ZFP90: variants seen among roughly 807,000 people sequenced by gnomAD.
ZFP90 encodes ZFP90 zinc finger protein.
In ZFP90, 38 loss-of-function variants were observed where a neutral mutation model predicts 60.8. That is an observed-to-expected ratio of 0.62 (90% CI 0.48 to 0.82). ZFP90 has a LOEUF of 0.82. Among genes scored for constraint, ZFP90 ranks in the 40% least tolerant of loss-of-function variants. ZFP90 has a pLI of 0.00. For missense variants in ZFP90, 711 were observed against 759.1 expected, an observed-to-expected ratio of 0.94 and a Z score of 0.74; for synonymous variants, 287 against 264.8, an observed-to-expected ratio of 1.08 and a Z score of -0.82.
At chr16:68,561,293 C>T (rs1030914275) in intron 4 of ZFP90, among the ~76,000 whole-genome samples, 5 of 152,180 alleles carry the variant, frequency 3.3e-5, no homozygotes, top group African/African-American at 1.2e-4. Flanking sequence ...AGTTCCCTAT[C>T]GTACTTCCAG....
chr16:68,562,041 C>CT (rs1310611367), intron 4 of ZFP90: 1 of 152,178 alleles, frequency 6.6e-6, no homozygotes, highest in Non-Finnish European at 1.5e-5. Context: ...CTTTAGCCAT[C>CT]TATCAATCCA....
intron 1 of ZFP90, 90 bp from the exon 2 acceptor site, chr16:68,539,668 G>C (rs1295466755): frequency 9.7e-7 from 1 of 1,032,294 alleles, no homozygotes; most frequent in Non-Finnish European, 1.4e-6. Context: ...CTCCCCTGGA[G>C]ATGTGGTTTA....
chr16:68,550,136 A>G (rs1453771687), intron 2 of ZFP90, among the ~76,000 whole-genome samples: 3 of 152,246 alleles, frequency 2.0e-5, no homozygotes, highest in Non-Finnish European at 4.4e-5. Context: ...AGTAATAAAT[A>G]TTATTTAAAA....
chr16:68,571,738 A>G (rs1313411015), downstream of ZFP90, among the ~76,000 whole-genome samples: 1 of 152,178 alleles, frequency 6.6e-6, no homozygotes, highest in Non-Finnish European at 1.5e-5. Context: ...GACCAGCCTA[A>G]GCAACATAGT....
chr16:68,535,731 C>T (rs1014533870), upstream of ZFP90: 5 of 152,046 alleles, frequency 3.3e-5, no homozygotes, highest in South Asian at 6.2e-4. Flanking sequence ...TGAAAGCTAG[C>T]GTTCCATGTT....
At chr16:68,547,458 A>G (rs1453092197) in intron 2 of ZFP90, among the ~76,000 whole-genome samples, 8 of 152,110 alleles carry the variant, frequency 5.3e-5, no homozygotes, top group Admixed American at 1.3e-4. Context: ...GGAGTTCTCT[A>G]TATATTCTGG....
At position 68,559,561 on chromosome 16, in the gene ZFP90, A is replaced by AAACT. The variant is rs72021065; in HGVS notation, c.256+995_256+996insCTAA. Among the ~76,000 whole-genome samples the AAACT allele has an allele frequency of 0.011, 1,723 of 150,892 alleles. 135 individuals carry two copies. In the East Asian group the frequency reaches 0.22, roughly 20 times the overall value. On this transcript the variant is annotated intron_variant, in intron 4 of 4. Coordinates refer to ENST00000563169, the MANE Select transcript of ZFP90 (RefSeq NM_001305203.2). Reference sequence around the variant, plus strand: ...ACTGTAAACCAGGGCCCAGATTTTTAAATTAATTAATTAATAATTTTATTG... The same window carrying AAACT: ...ACTGTAAACCAGGGCCCAGATTTTTAAACTAATTAATTAATTAATAATTTTATTG...
chr16:68,564,082 A>G lies in ZFP90; in HGVS notation c.1295A>G (p.Lys432Arg), dbSNP rs2091479551. 2 of 1,614,036 alleles carry G rather than the reference A, an allele frequency of 1.2e-6. No homozygotes were observed. Among genetic ancestry groups the G allele is most frequent in the South Asian group, 1.1e-5 (1 of 91,086 alleles). ...AGCAGTAACTACAGCATAGATTTCA[A>G]GCACAGCACATCTCTCACTCAAGAT... ...YQSSNYSIDF[K>R]HSTSLTQDES... The change falls in exon 5 of 5, where the codon AAG becomes AGG. Residue 432 changes from lysine to arginine, a missense_variant. By Grantham distance (26) the Lys-to-Arg change is conservative (BLOSUM62 2). This residue lies in a region of ZFP90 where 295 missense variants were observed against 274.0 expected (regional missense o/e 1.08). Coordinates refer to ENST00000563169, the MANE Select transcript of ZFP90 (RefSeq NM_001305203.2).
At chr16:68,551,177 A>AT (rs2091254260) in intron 2 of ZFP90, among the ~76,000 whole-genome samples, 1 of 152,206 alleles carries the variant, frequency 6.6e-6, no homozygotes, top group Admixed American at 6.5e-5. Context: ...CCATCTGCTC[A>AT]TAAAACTCTT....
intron 2 of ZFP90, chr16:68,574,305 G>C (rs1312615477): frequency 7.4e-6 from 1 of 135,454 alleles, no homozygotes; most frequent in Non-Finnish European, 1.5e-5. Flanking sequence ...ATAAAGAACA[G>C]AGATGCAATC....
chr16:68,554,938 A>G (rs1359881053), intron 2 of ZFP90: 5 of 152,224 alleles, frequency 3.3e-5, no homozygotes, highest in South Asian at 2.1e-4. Context: ...AGAAGGTTTT[A>G]CTTCTCACCA....
rs1280632365 is a variant in ZFP90 at position 68,558,513 on chromosome 16, G to A, written c.201G>A (p.Glu67=). ...VSKPEVIFKL[E]QGEEPWISEG... is the part of the protein sequence containing the mutation. ...AGCCAGAGGTGATCTTCAAATTGGA[G>A]CAAGGAGAAGAGCCATGGATATCAG... Residue 67 remains glutamate (E), a synonymous_variant, in exon 4 of 5, where the codon GAG becomes GAA. Coordinates refer to ENST00000563169, the MANE Select transcript of ZFP90 (RefSeq NM_001305203.2). 4 of 1,613,964 alleles carry A rather than the reference G, an allele frequency of 2.5e-6. No individual in the cohort carries two copies. The highest frequency in any genetic ancestry group is 1.7e-5 in the Admixed American group (1 of 59,996).
chr16:68,562,040 T>A (rs2091446551), intron 4 of ZFP90: 1 of 152,260 alleles, frequency 6.6e-6, no homozygotes, highest in African/African-American at 2.4e-5. Flanking sequence ...TCTTTAGCCA[T>A]CTATCAATCC....
intron 2 of ZFP90, among the ~76,000 whole-genome samples, chr16:68,572,177 C>T (rs920441167): frequency 3.2e-5 from 2 of 61,632 alleles, no homozygotes; most frequent in African/African-American, 5.9e-5. Context: ...AGCTGACAAA[C>T]ACTTTTTTTT....
In ZFP90 at chr16:68,563,377, A is replaced by G. The variant is rs763716719; in HGVS notation, c.590A>G (p.Asp197Gly). The G allele has an allele frequency of 6.2e-7, 1 of 1,614,060 alleles. No homozygotes were observed. The highest frequency in any genetic ancestry group is 8.5e-7 in the Non-Finnish European group (1 of 1,180,006). Residue 197 changes from aspartate (D) to glycine (G), a missense_variant, in exon 5 of 5, where the codon GAC becomes GGC. Physicochemically the swap from Asp to Gly is moderately conservative, Grantham distance 94. This residue lies in a region of ZFP90 where 241 missense variants were observed against 247.6 expected (regional missense o/e 0.97). Transcript: ENST00000563169. Reference protein sequence around the residue: ...TLGSNLGHNADLLNENNILAK... With the variant: ...TLGSNLGHNAGLLNENNILAK... The stretch of plus-strand genomic sequence containing the variant: ...GGAAGCAATTTGGGACATAATGCAG[A>G]CTTACTTAATGAGAATAATATTCTT...
At chr16:68,544,028 A>G (rs1206323433) in intron 2 of ZFP90, among the ~76,000 whole-genome samples, 1 of 151,360 alleles carries the variant, frequency 6.6e-6, no homozygotes, top group Non-Finnish European at 1.5e-5. Flanking sequence ...AATTTTTTGT[A>G]TTTTTACTAG....
intron 2 of ZFP90, among the ~76,000 whole-genome samples, chr16:68,547,428 TG>T (rs1452828477): frequency 1.3e-5 from 2 of 152,170 alleles, no homozygotes; most frequent in African/African-American, 2.4e-5. Context: ...ATTTTTGAAT[TG>T]TTTTTTGTTG....
At chr16:68,539,734 G>T in intron 1 of ZFP90, 24 bp from the exon 2 acceptor site, 1 of 1,520,276 alleles carries the variant, frequency 6.6e-7, no homozygotes, top group Non-Finnish European at 8.8e-7. Flanking sequence ...AGCGGGGTGA[G>T]TGGGCCCTGT....
At chr16:68,538,665 C>T (rs534065277), upstream of ZFP90, among the ~76,000 whole-genome samples, 5 of 149,986 alleles carry the variant, frequency 3.3e-5, no homozygotes, top group African/African-American at 1.2e-4. Flanking sequence ...AAAATCGCGC[C>T]ATTGCACTCC....
Sources: allele counts gnomAD v4.1 joint callset (sites outside exome capture counted in the v4.1 genomes callset), GRCh38; gene constraint gnomAD v4.1.1; regional missense constraint gnomAD v4.1.1; transcripts MANE v1.5; gene names NCBI Gene and HGNC (gene_info 2026-07-23, HGNC 2026-07-21).